MAP7: variants seen among roughly 807,000 people sequenced by gnomAD.
MAP7 encodes ensconsin.
Under a neutral mutation model 94.8 loss-of-function variants are expected in MAP7, and 52 were observed. That is an observed-to-expected ratio of 0.55 (90% CI 0.44 to 0.69). The LOEUF (loss-of-function observed/expected upper bound fraction) is 0.69. Among genes scored for constraint, MAP7 ranks in the 30% least tolerant of loss-of-function variants. The pLI, the probability that MAP7 is intolerant of heterozygous loss-of-function variation, is 0.00. For synonymous variants in MAP7, 350 were observed against 357.0 expected (o/e 0.98, Z 0.22); for missense variants, 940 against 964.6 (o/e 0.97, Z 0.34).
Position 136,544,054 on chromosome 6 carries a change from T to G in MAP7, c.67+6288A>C, listed in dbSNP as rs1376075135. 2.0e-5 allele frequency among the ~76,000 whole-genome samples: 3 copies of G among 152,094 alleles called. No individual in the cohort carries two copies. In the South Asian group the frequency reaches 6.2e-4, roughly 32 times the overall value. Reference sequence around the variant, plus strand: ...CTCCTGCCTCAGCCTCCTGTGTAGTTCGGATTACAGATGTATGCCACGACA... The same window carrying G: ...CTCCTGCCTCAGCCTCCTGTGTAGTGCGGATTACAGATGTATGCCACGACA... On this transcript the variant is annotated intron_variant, in intron 1 of 17. Coordinates refer to ENST00000354570, the MANE Select transcript of MAP7 (RefSeq NM_003980.6).
At chr6:136,522,887 T>C (rs1274881109) in intron 1 of MAP7, among the ~76,000 whole-genome samples, 1 of 151,984 alleles carries the variant, frequency 6.6e-6, no homozygotes, top group African/African-American at 2.4e-5. Flanking sequence ...TTTAAAAAAT[T>C]AGTTGGGTGT....
intron 1 of MAP7, among the ~76,000 whole-genome samples, chr6:136,538,572 G>A (rs1256494728): frequency 6.6e-6 from 1 of 151,906 alleles, no homozygotes; most frequent in African/African-American, 2.4e-5. Flanking sequence ...GATCACTTGA[G>A]TTCGAAACCA....
At chr6:136,376,071 CA>C in intron 7 of MAP7, among the ~76,000 whole-genome samples, 1 of 151,958 alleles carries the variant, frequency 6.6e-6, no homozygotes, top group Non-Finnish European at 1.5e-5. Flanking sequence ...AGCCATAAAC[CA>C]GCTAAATGCT....
intron 1 of MAP7, among the ~76,000 whole-genome samples, chr6:136,461,640 T>C (rs1462716817): frequency 6.6e-6 from 1 of 152,214 alleles, no homozygotes; most frequent in Admixed American, 6.5e-5. Context: ...CAGAAATGGA[T>C]TAAGGCATTA....
intron 1 of MAP7, among the ~76,000 whole-genome samples, chr6:136,532,566 T>C (rs968615835): frequency 6.6e-6 from 1 of 152,098 alleles, no homozygotes; most frequent in African/African-American, 2.4e-5. Flanking sequence ...AAGATAGCTG[T>C]GCACAAACAC....
At chr6:136,484,383 T>C (rs1813948290) in intron 1 of MAP7, among the ~76,000 whole-genome samples, 1 of 152,230 alleles carries the variant, frequency 6.6e-6, no homozygotes, top group Non-Finnish European at 1.5e-5. Flanking sequence ...AGCATCATTA[T>C]TGTTGTGACG....
Position 136,376,381 on chromosome 6 carries a change from G to A in MAP7, c.751+1374C>T, listed in dbSNP as rs537696987. The stretch of plus-strand genomic sequence containing the variant: ...CCCAAAGTGCTGGGATTACAGGCGT[G>A]AGCCACCACGCCCGGCCTGAAAAGT... On this transcript the variant is annotated intron_variant, in intron 7 of 17. Coordinates refer to ENST00000354570, the MANE Select transcript of MAP7 (RefSeq NM_003980.6). Among the ~76,000 whole-genome samples the A allele has an allele frequency of 8.2e-4, 125 of 151,958 alleles. 1 individual carries two copies. Among genetic ancestry groups the A allele is most frequent in the African/African-American group, 2.4e-3 (101 of 41,466 alleles).
intron 1 of MAP7, among the ~76,000 whole-genome samples, chr6:136,424,623 A>G (rs944268382): frequency 6.6e-6 from 1 of 152,242 alleles, no homozygotes; most frequent in South Asian, 2.1e-4. Context: ...TGCAATCCAC[A>G]TCGTCTGCCA....
chr6:136,383,621 A>G, intron 6 of MAP7, 50 bp downstream of exon 6: 1 of 1,003,322 alleles, frequency 1.0e-6, no homozygotes, highest in Non-Finnish European at 1.5e-6. Flanking sequence ...TCCAGAAAAA[A>G]AAGCATTAAG....
At chr6:136,525,489 G>A (rs1404928574) in intron 1 of MAP7, among the ~76,000 whole-genome samples, 2 of 152,184 alleles carry the variant, frequency 1.3e-5, no homozygotes, top group South Asian at 2.1e-4. Flanking sequence ...GGAGATGTTC[G>A]TTTAAACCTT....
chr6:136,364,119 T>G (rs1176409110), intron 10 of MAP7: 2 of 359,948 alleles, frequency 5.6e-6, no homozygotes, highest in East Asian at 1.7e-4. Context: ...GCCCCACACT[T>G]GCTCACACCA....
At chr6:136,430,864 A>G (rs770804545) in intron 1 of MAP7, among the ~76,000 whole-genome samples, 1 of 152,050 alleles carries the variant, frequency 6.6e-6, no homozygotes, top group Non-Finnish European at 1.5e-5. Context: ...AGCACAATTG[A>G]GCAGAAAGTA....
chr6:136,368,208 T>TC (rs1409917383), intron 8 of MAP7, among the ~76,000 whole-genome samples: 9 of 152,116 alleles, frequency 5.9e-5, no homozygotes, highest in East Asian at 1.9e-4. Flanking sequence ...TTTTTTTTTT[T>TC]CTTTCTTTTT....
At chr6:136,400,144 T>G (rs1246644605) in intron 3 of MAP7, among the ~76,000 whole-genome samples, 1 of 151,934 alleles carries the variant, frequency 6.6e-6, no homozygotes, top group Non-Finnish European at 1.5e-5. Flanking sequence ...AGGCTGGGTG[T>G]GGTGGCTCAC....
intron 1 of MAP7, among the ~76,000 whole-genome samples, chr6:136,480,343 T>C (rs1812335316): frequency 6.6e-6 from 1 of 151,986 alleles, no homozygotes; most frequent in Non-Finnish European, 1.5e-5. Context: ...AAAAATCAAA[T>C]CAAAATGTAT....
At chr6:136,505,800 T>C (rs1274691003) in intron 1 of MAP7, among the ~76,000 whole-genome samples, 1 of 152,092 alleles carries the variant, frequency 6.6e-6, no homozygotes, top group Non-Finnish European at 1.5e-5. Flanking sequence ...AATCTAATAA[T>C]TTATATATAG....
chr6:136,489,256 G>A (rs1815768422), intron 1 of MAP7, among the ~76,000 whole-genome samples: 1 of 151,826 alleles, frequency 6.6e-6, no homozygotes, highest in African/African-American at 2.4e-5. Flanking sequence ...GACAGGTAAG[G>A]AATTGTATAA....
At chr6:136,409,535 G>T (rs1204825472) in intron 3 of MAP7, among the ~76,000 whole-genome samples, 3 of 152,144 alleles carry the variant, frequency 2.0e-5, no homozygotes, top group African/African-American at 7.2e-5. Context: ...AAGCATGTTG[G>T]GTCTCTCAGC....
At chr6:136,513,853 A>AG (rs1411926893) in intron 1 of MAP7, among the ~76,000 whole-genome samples, 1 of 152,126 alleles carries the variant, frequency 6.6e-6, no homozygotes, top group East Asian at 1.9e-4. Flanking sequence ...GGAAGTTGCT[A>AG]GGGGGAGGGT....
Sources: allele counts gnomAD v4.1 joint callset (sites outside exome capture counted in the v4.1 genomes callset), GRCh38; gene constraint gnomAD v4.1.1; transcripts MANE v1.5; gene names NCBI Gene and HGNC (gene_info 2026-07-23, HGNC 2026-07-21).